The following BICD1 variants were observed in gnomAD, a reference collection of about 807,000 sequenced individuals.
BICD1 encodes protein bicaudal D homolog 1.
A neutral mutation model predicts 92.5 loss-of-function variants in BICD1; 35 were observed. The observed-to-expected ratio is 0.38, with a 90% CI of 0.29 to 0.50. The LOEUF is 0.50. BICD1 is among the 20% of genes least tolerant of loss of function. The pLI is 0.93. For missense variants in BICD1, 950 were observed against 1,189.8 expected (o/e 0.80, Z 2.97); for synonymous variants, 429 against 465.1 (o/e 0.92, Z 1.00).
At chr12:32,206,348 G>A (rs1476928907) in intron 1 of BICD1, among the ~76,000 whole-genome samples, 3 of 152,254 alleles carry the variant, frequency 2.0e-5, no homozygotes, top group South Asian at 4.1e-4. Context: ...GCTCATGCCT[G>A]TAATCCCAGC....
rs1360062918 is a variant in BICD1 at position 32,374,219 on chromosome 12, AAAAAGAAAAG to A, written c.2841-3306_2841-3297del. On this transcript the variant is annotated intron_variant, in intron 9 of 9. Coordinates refer to ENST00000652176, the MANE Select transcript of BICD1 (RefSeq NM_001714.4). ...ACAAAGTGAGATTCTGCTCAAAAAA[AAAAAGAAAAG>A]AAAAGAAAAGAAAAAAAAGCCATAT... is the stretch of plus-strand genomic sequence containing the variant. Among the ~76,000 whole-genome samples, 8 of 152,042 alleles carry A rather than the reference AAAAAGAAAAG, an allele frequency of 5.3e-5. No individual in the cohort carries two copies. In the South Asian group the frequency reaches 1.2e-3, roughly 24 times the overall value.
At chr12:32,330,995 G>A (rs895845708) in intron 5 of BICD1, among the ~76,000 whole-genome samples, 7 of 152,262 alleles carry the variant, frequency 4.6e-5, no homozygotes, top group South Asian at 2.1e-4. Flanking sequence ...TTAACCAGGC[G>A]TGGTGGCGGG....
chr12:32,243,264 ATTTTTTTT>A (rs71068310), intron 2 of BICD1, among the ~76,000 whole-genome samples: 6 of 74,030 alleles, frequency 8.1e-5, no homozygotes, highest in Non-Finnish European at 1.4e-4. Flanking sequence ...TGCCTGGCTA[ATTTTTTTT>A]TTTTTTTTTT....
At chr12:32,173,450 G>A (rs1421290107) in intron 1 of BICD1, among the ~76,000 whole-genome samples, 2 of 152,170 alleles carry the variant, frequency 1.3e-5, no homozygotes, top group African/African-American at 4.8e-5. Flanking sequence ...GGATAACTCA[G>A]TATTCATTGC....
In BICD1 at chr12:32,245,308, G is replaced by A. The variant is rs627645; in HGVS notation, c.426+28849G>A. On this transcript the variant is annotated intron_variant, in intron 2 of 9. Transcript: ENST00000652176. Reference sequence around the variant, plus strand: ...GTCCCCCAGGCTGGAGTGCAGTGGCGCGATCTCAGCTCACTGCAAGCTCCC... The same window carrying A: ...GTCCCCCAGGCTGGAGTGCAGTGGCACGATCTCAGCTCACTGCAAGCTCCC... Among the ~76,000 whole-genome samples the A allele has an allele frequency of 4.7e-5, 7 of 150,420 alleles. No homozygotes were observed. In the East Asian group the frequency reaches 1.0e-3, roughly 21 times the overall value.
At chr12:32,296,248 T>C (rs933343282) in intron 3 of BICD1, among the ~76,000 whole-genome samples, 3 of 50,952 alleles carry the variant, frequency 5.9e-5, no homozygotes, top group African/African-American at 1.9e-4. Context: ...AAGAAGGGGT[T>C]TTTTTTTGTT....
At position 32,328,518 on chromosome 12, in the gene BICD1, T is replaced by C. The variant is rs957088230; in HGVS notation, c.2063T>C (p.Ile688Thr). The change falls in exon 5 of 10, where the codon ATC becomes ACC. Residue 688 changes from isoleucine (I) to threonine (T), a missense_variant. Transcript: ENST00000652176. The surrounding 1 kb of genome is among the most constrained non-coding windows in gnomAD (Gnocchi z 4.4). ...KSLLSTKREQ[I>T]ATLRAVLKAN... ...CTGCTGAGCACCAAACGGGAGCAGA[T>C]CGCCACATTGAGGGCGGTGTTGAAA... The C allele has an allele frequency of 6.2e-7, 1 of 1,613,782 alleles. No individual in the cohort carries two copies. The highest frequency in any genetic ancestry group is 1.3e-5 in the African/African-American group (1 of 74,934).
intron 4 of BICD1, among the ~76,000 whole-genome samples, chr12:32,323,572 T>C (rs1401562855): frequency 2.0e-5 from 3 of 152,220 alleles, no homozygotes; most frequent in African/African-American, 7.2e-5. Flanking sequence ...TACTATCATT[T>C]GGGAATAATT....
At chr12:32,291,901 AG>A (rs1160883245) in intron 2 of BICD1, among the ~76,000 whole-genome samples, 4 of 152,180 alleles carry the variant, frequency 2.6e-5, no homozygotes, top group Non-Finnish European at 5.9e-5. Flanking sequence ...TATGTCGGAA[AG>A]TCAGGTATAC....
intron 4 of BICD1, among the ~76,000 whole-genome samples, chr12:32,308,988 A>G (rs1242036015): frequency 2.0e-5 from 3 of 152,152 alleles, no homozygotes; most frequent in African/African-American, 2.4e-5. Flanking sequence ...TAGAATATCC[A>G]TTTATCTTCT....
intron 1 of BICD1, among the ~76,000 whole-genome samples, chr12:32,212,506 C>A (rs1465278301): frequency 6.6e-6 from 1 of 152,136 alleles, no homozygotes; most frequent in Non-Finnish European, 1.5e-5. Context: ...CTCACTGCAA[C>A]CTCCATCTCC....
chr12:32,245,890 T>A (rs1946368296), intron 2 of BICD1, among the ~76,000 whole-genome samples: 1 of 150,222 alleles, frequency 6.7e-6, no homozygotes, highest in Non-Finnish European at 1.5e-5. Flanking sequence ...ATTAGCCAGG[T>A]GTGGTGGCGC....
intron 1 of BICD1, among the ~76,000 whole-genome samples, chr12:32,155,799 A>T (rs899951921): frequency 2.0e-5 from 3 of 152,250 alleles, no homozygotes; most frequent in African/African-American, 7.2e-5. Flanking sequence ...TGGTTTTATA[A>T]AAGTGATTTA....
Position 32,383,365 on chromosome 12 carries a change from T to C in BICD1, c.*5738T>C, listed in dbSNP as rs185395707. 2.0e-5 allele frequency: 3 copies of C among 152,302 alleles called. No homozygotes were observed. The East Asian group carries it at 5.8e-4, about 29-fold the overall frequency. 9.4% of individuals were successfully genotyped at this position (152,302 alleles called of 1,614,324 possible). On this transcript the variant is annotated 3_prime_UTR_variant, in exon 10 of 10. Coordinates refer to ENST00000652176, the MANE Select transcript of BICD1 (RefSeq NM_001714.4). The stretch of plus-strand genomic sequence containing the variant: ...ATGCATTTATTTTAAATTCAAAAAA[T>C]TCTTATGAATTTATTATTGCTTGTA...
intron 1 of BICD1, among the ~76,000 whole-genome samples, chr12:32,175,928 T>C: frequency 6.6e-6 from 1 of 152,202 alleles, no homozygotes; most frequent in East Asian, 1.9e-4. Flanking sequence ...AATTTACTTC[T>C]TGTTTCAGTG....
chr12:32,212,754 A>C (rs1417981652), intron 1 of BICD1, among the ~76,000 whole-genome samples: 2 of 152,206 alleles, frequency 1.3e-5, no homozygotes, highest in Admixed American at 6.5e-5. Context: ...AAAATGTAAT[A>C]AAATCACAAG....
At chr12:32,175,062 TC>T (rs1361280760) in intron 1 of BICD1, among the ~76,000 whole-genome samples, 1 of 152,236 alleles carries the variant, frequency 6.6e-6, no homozygotes, top group East Asian at 1.9e-4. Flanking sequence ...TTGATTTTTT[TC>T]CTCTTTATTT....
chr12:32,306,257 T>G, intron 4 of BICD1, 135 bp downstream of exon 4: 1 of 1,041,338 alleles, frequency 9.6e-7, no homozygotes, highest in Non-Finnish European at 1.3e-6. Flanking sequence ...TTTTCTGTTC[T>G]TTTCGAGACA....
At chr12:32,271,596 C>A (rs781001897) in intron 2 of BICD1, among the ~76,000 whole-genome samples, 21 of 152,138 alleles carry the variant, frequency 1.4e-4, no homozygotes, top group Non-Finnish European at 3.1e-4. Context: ...CAGATTGCTG[C>A]GACTGTGCAC....
Sources: gnomAD v4.1 joint callset for allele counts (sites outside exome capture counted in the v4.1 genomes callset) on GRCh38, gnomAD v4.1.1 for gene constraint, Gnocchi (gnomAD v3.1) non-coding constraint, MANE v1.5 for transcripts, NCBI Gene and HGNC (gene_info 2026-07-23, HGNC 2026-07-21) for gene names.